TCP10L: variants seen among roughly 807,000 people sequenced by gnomAD.
TCP10L encodes the protein T-complex protein 10A homolog 1.
Under a neutral mutation model 19.2 loss-of-function variants are expected in TCP10L, and 11 were observed. The ratio of observed to expected loss-of-function variants is 0.57; its 90% CI spans 0.36 to 0.95. The LOEUF is 0.95. Among genes scored for constraint, TCP10L ranks in the 40% least tolerant of loss-of-function variants. The probability of loss-of-function intolerance (pLI) is 0.01; values close to 1 mark genes in which losing one functional copy is unlikely to be tolerated. For synonymous variants in TCP10L, 96 were observed against 97.2 expected (o/e 0.99, Z 0.07); for missense variants, 247 against 263.9 (o/e 0.94, Z 0.44).
chr21:32,575,432 CG>C lies in TCP10L; in HGVS notation c.*1341del. ...ACAGCCTGGGGGTGGGCAGGAAGCC[CG>C]GGGGGCAGACTCAGGAGGAAGACAG... On this transcript the variant is annotated 3_prime_UTR_variant, in exon 5 of 5. Transcript: ENST00000300258. 1.3e-5 allele frequency: 2 copies of C among 154,800 alleles called. No homozygotes were observed. The highest frequency in any genetic ancestry group is 2.9e-5 in the Non-Finnish European group (2 of 69,854). The allele number at this position is 154,800 out of a possible 1,614,324, so 9.6% of individuals were successfully genotyped here.
In TCP10L at chr21:32,575,650, T is replaced by C. The variant is rs1362995020; in HGVS notation, c.*1124A>G. Reference sequence around the variant, plus strand: ...CCGTTTCTTTACCAAGATAGGTTCCTGCAGAGGTCGTGAAGCTGCTGTGGT... The same window carrying C: ...CCGTTTCTTTACCAAGATAGGTTCCCGCAGAGGTCGTGAAGCTGCTGTGGT... On this transcript the variant is annotated 3_prime_UTR_variant, in exon 5 of 5. Coordinates refer to ENST00000300258, the MANE Select transcript of TCP10L (RefSeq NM_144659.7). The C allele has an allele frequency of 6.5e-6, 1 of 153,424 alleles. No homozygotes were observed. Among genetic ancestry groups the C allele is most frequent in the Non-Finnish European group, 1.5e-5 (1 of 68,662 alleles). The allele number at this position is 153,424 out of a possible 1,614,324, so 9.5% of individuals were successfully genotyped here. A position where few individuals can be genotyped will look rare whatever the true frequency, so the allele number is the denominator to read the frequency against.
At chr21:32,581,661 G>C (rs549290306) in intron 3 of TCP10L, among the ~76,000 whole-genome samples, 1 of 152,154 alleles carries the variant, frequency 6.6e-6, no homozygotes, top group African/African-American at 2.4e-5. Context: ...CTGCGAGGGG[G>C]ACAAGGGAAC....
chr21:32,581,326 T>C (rs1181440339), intron 3 of TCP10L, among the ~76,000 whole-genome samples: 1 of 152,106 alleles, frequency 6.6e-6, no homozygotes, highest in Non-Finnish European at 1.5e-5. Context: ...CACCACTCAA[T>C]AAAAAACCTT....
intron 3 of TCP10L, among the ~76,000 whole-genome samples, chr21:32,579,415 C>G (rs1377559848): frequency 6.6e-6 from 1 of 152,118 alleles, no homozygotes; most frequent in Non-Finnish European, 1.5e-5. Context: ...AGTGGCTCAC[C>G]CACACAGCCA....
chr21:32,576,635 T>C lies in TCP10L; in HGVS notation c.*139A>G. 1.1e-6 allele frequency: 1 copy of C among 893,836 alleles called. No individual in the cohort carries two copies. Among genetic ancestry groups the C allele is most frequent in the South Asian group, 1.9e-5 (1 of 53,148 alleles). The allele number at this position is 893,836 out of a possible 1,614,324, so 55.4% of individuals were successfully genotyped here. On this transcript the variant is annotated 3_prime_UTR_variant, in exon 5 of 5. Coordinates refer to ENST00000300258, the MANE Select transcript of TCP10L (RefSeq NM_144659.7). ...AAGTTTTTATCTATAGAAACATAAT[T>C]AGTTTAATAAATTACTAGGTCTATT...
intron 1 of TCP10L, 61 bp downstream of exon 1, chr21:32,585,360 A>C: frequency 4.5e-6 from 1 of 222,342 alleles, no homozygotes; most frequent in South Asian, 5.6e-5. Context: ...CAAACTCATG[A>C]CCCCCTCAGT....
chr21:32,582,337 G>T lies in TCP10L; in HGVS notation c.223C>A (p.Leu75Ile). The stretch of plus-strand genomic sequence containing the variant: ...CTCAAAGCATCTATATGACTCCGGA[G>T]TTTTCCATGAACATCAGCCCACAGA... The part of the protein sequence containing the change: ...KSLWADVHGK[L>I]RSHIDALREQ... Residue 75 changes from leucine (L) to isoleucine (I), a missense_variant, in exon 3 of 5, where the codon CTC becomes ATC. Leu to Ile is a conservative substitution (Grantham distance 5). Coordinates refer to ENST00000300258, the MANE Select transcript of TCP10L (RefSeq NM_144659.7). The surrounding 1 kb of genome is among the most constrained non-coding windows in gnomAD (Gnocchi z 4.2). 1.2e-6 allele frequency: 2 copies of T among 1,614,018 alleles called. No homozygotes were observed. The highest frequency in any genetic ancestry group is 1.7e-6 in the Non-Finnish European group (2 of 1,180,020).
chr21:32,582,488 A>C lies in TCP10L; in HGVS notation c.145-73T>G. On this transcript the variant is annotated intron_variant, in intron 2 of 4. Coordinates refer to ENST00000300258, the MANE Select transcript of TCP10L (RefSeq NM_144659.7). The surrounding 1 kb of genome is among the most constrained non-coding windows in gnomAD (Gnocchi z 4.2). Reference sequence around the variant, plus strand: ...GGGCACATTTATCTGCAAAATACTCAAGCCCTCTCTGATGTAAGACCAACA... The same window carrying C: ...GGGCACATTTATCTGCAAAATACTCCAGCCCTCTCTGATGTAAGACCAACA... The C allele has an allele frequency of 7.0e-7, 1 of 1,426,508 alleles. No individual in the cohort carries two copies. Among genetic ancestry groups the C allele is most frequent in the East Asian group, 2.3e-5 (1 of 43,848 alleles). 88.4% of individuals were successfully genotyped at this position (1,426,508 alleles called of 1,614,324 possible).
rs182588905 is a variant in TCP10L, at chr21:32,573,855, A to G, written c.*2919T>C. Among the ~76,000 whole-genome samples the G allele has an allele frequency of 7.7e-3, 1,172 of 152,294 alleles. 12 individuals carry two copies. The highest frequency in any genetic ancestry group is 7.1e-3 in the Non-Finnish European group (481 of 68,016). On this transcript the variant is annotated 3_prime_UTR_variant, in exon 5 of 5. Transcript: ENST00000300258. ...TAACACACAGAGACATACAAATAAC[A>G]TACAAATAACACCTGCCATGACTGT...
chr21:32,579,934 G>A (rs553767990), intron 3 of TCP10L, among the ~76,000 whole-genome samples: 86 of 152,130 alleles, frequency 5.7e-4, no homozygotes, highest in Admixed American at 1.0e-3. Context: ...TCTTCCTTCC[G>A]CAGAAGGACT....
intron 3 of TCP10L, among the ~76,000 whole-genome samples, chr21:32,581,846 G>A (rs909164976): frequency 4.6e-5 from 7 of 152,132 alleles, no homozygotes; most frequent in African/African-American, 1.2e-4. Context: ...TCATAGGGTC[G>A]TCATAGAGAG....
rs1252946983 is a variant in TCP10L at position 32,582,935 on chromosome 21, C to G, written c.145-520G>C. 6.6e-6 allele frequency among the ~76,000 whole-genome samples: 1 copy of G among 151,306 alleles called. No individual in the cohort carries two copies. Among genetic ancestry groups the G allele is most frequent in the Non-Finnish European group, 1.5e-5 (1 of 67,902 alleles). On this transcript the variant is annotated intron_variant, in intron 2 of 4. Transcript: ENST00000300258. This position sits in a 1 kb window ranked among gnomAD's most constrained non-coding sequence, Gnocchi z 4.2. ...AAGTAGTGTTTATTATGAGTTAGTC[C>G]ACATAATATAACCAGATAAAGATGG...
chr21:32,578,779 G>T lies in TCP10L; in HGVS notation c.413C>A (p.Thr138Lys). ...CTTGTGGCCAGCGTATTTGGGTATT[G>T]TCTCTTCATCAGCTGACAGAGGTGA... ...KISPLSADEE[T>K]IPKYAGHKNQ... The change falls in exon 4 of 5, where the codon ACA becomes AAA. Residue 138 changes from threonine to lysine, a missense_variant. Coordinates refer to ENST00000300258, the MANE Select transcript of TCP10L (RefSeq NM_144659.7). This position sits in a 1 kb window ranked among gnomAD's most constrained non-coding sequence, Gnocchi z 4.2. 1 of 1,614,198 alleles carries T rather than the reference G, an allele frequency of 6.2e-7. No homozygotes were observed. Among genetic ancestry groups the T allele is most frequent in the Non-Finnish European group, 8.5e-7 (1 of 1,180,028 alleles).
chr21:32,576,591 G>T lies in TCP10L; in HGVS notation c.*183C>A. 1 of 691,272 alleles carries T rather than the reference G, an allele frequency of 1.4e-6. No homozygotes were observed. Among genetic ancestry groups the T allele is most frequent in the Non-Finnish European group, 2.4e-6 (1 of 419,424 alleles). The allele number at this position is 691,272 out of a possible 1,614,324, so 42.8% of individuals were successfully genotyped here. A position where few individuals can be genotyped will look rare whatever the true frequency, so the allele number is the denominator to read the frequency against. ...AGTTGTTTGCTTTTATAGCATTAGA[G>T]ACATGTCTGAAGAACTTCAAGTTTT... is the stretch of plus-strand genomic sequence containing the variant. On this transcript the variant is annotated 3_prime_UTR_variant, in exon 5 of 5. Transcript: ENST00000300258.
chr21:32,581,300 ATC>A (rs2038491929), intron 3 of TCP10L, among the ~76,000 whole-genome samples: 1 of 152,172 alleles, frequency 6.6e-6, no homozygotes. Context: ...TGGCTCCCCC[ATC>A]TGCTGACAGG....
Position 32,582,663 on chromosome 21 carries a change from G to C in TCP10L, c.145-248C>G, listed in dbSNP as rs2038509391. The stretch of plus-strand genomic sequence containing the variant: ...GCTGGAGTGCAGTGGCATGATCTCA[G>C]CTCACTGAAGCTTCAACTTGATGAG... On this transcript the variant is annotated intron_variant, in intron 2 of 4. Coordinates refer to ENST00000300258, the MANE Select transcript of TCP10L (RefSeq NM_144659.7). The surrounding 1 kb of genome is among the most constrained non-coding windows in gnomAD (Gnocchi z 4.2). 6.6e-6 allele frequency among the ~76,000 whole-genome samples: 1 copy of C among 151,906 alleles called. No homozygotes were observed. The highest frequency in any genetic ancestry group is 1.5e-5 in the Non-Finnish European group (1 of 68,002).
chr21:32,578,846 G>A lies in TCP10L; in HGVS notation c.361-15C>T. 1 of 1,613,772 alleles carries A rather than the reference G, an allele frequency of 6.2e-7. No individual in the cohort carries two copies. Among genetic ancestry groups the A allele is most frequent in the Non-Finnish European group, 8.5e-7 (1 of 1,179,958 alleles). On this transcript the variant is annotated splice_polypyrimidine_tract_variant and intron_variant, in intron 3 of 4. Coordinates refer to ENST00000300258, the MANE Select transcript of TCP10L (RefSeq NM_144659.7). This position sits in a 1 kb window ranked among gnomAD's most constrained non-coding sequence, Gnocchi z 4.2. ...GGTTCCAATGCCTAAAAGACAAAATGCAGGGAAATTCTTCACATTTTCGAA... is the reference window on the plus strand; with the variant it reads ...GGTTCCAATGCCTAAAAGACAAAATACAGGGAAATTCTTCACATTTTCGAA...
Position 32,576,340 on chromosome 21 carries a change from C to T in TCP10L, c.*434G>A, listed in dbSNP as rs544626774. ...ATGCATAGCCTGGGGCAATGACAGT[C>T]ACAGGCCCGCCTTGTCACAAGGTCC... is the stretch of plus-strand genomic sequence containing the variant. On this transcript the variant is annotated 3_prime_UTR_variant, in exon 5 of 5. Transcript: ENST00000300258. 1.1e-4 allele frequency: 160 copies of T among 1,458,640 alleles called. 3 individuals carry two copies. In the Admixed American group the frequency reaches 2.2e-3, roughly 20 times the overall value. 90.4% of individuals were successfully genotyped at this position (1,458,640 alleles called of 1,614,324 possible).
At position 32,576,685 on chromosome 21, in the gene TCP10L, A is replaced by G. The variant is rs1447696357; in HGVS notation, c.*89T>C. 2.2e-6 allele frequency: 3 copies of G among 1,364,340 alleles called. No homozygotes were observed. The highest frequency in any genetic ancestry group is 2.9e-5 in the African/African-American group (2 of 68,184). 84.5% of individuals were successfully genotyped at this position (1,364,340 alleles called of 1,614,324 possible). ...TTTGAATAACAAATTGAGTACTTTT[A>G]TTAGACCTAAGTGGAACTTTATCTG... On this transcript the variant is annotated 3_prime_UTR_variant, in exon 5 of 5. Transcript: ENST00000300258.
Sources: gnomAD v4.1 joint callset for allele counts (sites outside exome capture counted in the v4.1 genomes callset) on GRCh38, gnomAD v4.1.1 for gene constraint, Gnocchi (gnomAD v3.1) non-coding constraint, MANE v1.5 for transcripts, NCBI Gene and HGNC (gene_info 2026-07-23, HGNC 2026-07-21) for gene names.